The following PEG3 variants were observed in gnomAD, a reference collection of about 807,000 sequenced individuals.
PEG3 encodes the protein paternally-expressed gene 3 protein.
In PEG3, 23 loss-of-function variants were observed where a neutral mutation model predicts 35.5. The observed-to-expected ratio is 0.65, with a 90% CI of 0.47 to 0.92. The LOEUF is 0.92. Ranked by LOEUF, PEG3 falls within the 40% of genes least tolerant of loss-of-function variation. The probability of loss-of-function intolerance (pLI) is 0.00; values close to 1 mark genes in which losing one functional copy is unlikely to be tolerated. For synonymous variants in PEG3, 707 were observed against 697.0 expected (o/e 1.01, Z -0.23); for missense variants, 1,960 against 1,985.3 (o/e 0.99, Z 0.24).
At chr19:56,832,415 AT>A (rs2061663189) in intron 2 of PEG3, among the ~76,000 whole-genome samples, 1 of 151,984 alleles carries the variant, frequency 6.6e-6, no homozygotes, top group Admixed American at 6.6e-5. Context: ...CCACACCCAA[AT>A]CCTCACTTCA....
Position 56,817,192 on chromosome 19 carries a change from T to A in PEG3, c.1250A>T (p.Glu417Val). The change falls in exon 10 of 10, where the codon GAA (glutamate) becomes GTA (valine). Residue 417 changes from glutamate to valine, a missense_variant. Coordinates refer to ENST00000326441, the MANE Select transcript of PEG3 (RefSeq NM_006210.3). ...QKGCPRKKPFECGSEMRKAMS... is the reference protein window; with the variant it reads ...QKGCPRKKPFVCGSEMRKAMS... ...GGCTTTTCTCATCTCACTACCACAT[T>A]CAAAGGGCTTCTTCCTGGGACAGCC... 6.2e-7 allele frequency: 1 copy of A among 1,614,214 alleles called. No individual in the cohort carries two copies. The highest frequency in any genetic ancestry group is 1.1e-5 in the South Asian group (1 of 91,080).
intron 7 of PEG3, among the ~76,000 whole-genome samples, chr19:56,820,625 A>C (rs1452857115): frequency 1.3e-5 from 2 of 152,086 alleles, no homozygotes; most frequent in Non-Finnish European, 2.9e-5. Context: ...CCTGGCTCTA[A>C]ATGGCAACTG....
chr19:56,833,344 ACT>A (rs1421307113), intron 2 of PEG3: 1 of 369,688 alleles, frequency 2.7e-6, no homozygotes, highest in Non-Finnish European at 5.3e-6. Context: ...CGAGGAGGTT[ACT>A]CTCTTCGTCT....
At chr19:56,827,761 A>G (rs1347793019) in intron 2 of PEG3, among the ~76,000 whole-genome samples, 1 of 152,206 alleles carries the variant, frequency 6.6e-6, no homozygotes, top group African/African-American at 2.4e-5. Flanking sequence ...AAATAAGGCA[A>G]CTCTAAATAA....
chr19:56,833,202 G>C (rs977431583), intron 2 of PEG3: 1 of 514,528 alleles, frequency 1.9e-6, no homozygotes, highest in Non-Finnish European at 3.9e-6. Flanking sequence ...AAAATCCACC[G>C]AGTCTCCTTC....
At position 56,813,802 on chromosome 19, in the gene PEG3, TCGATGTAG is replaced by T. The variant is rs751532593; in HGVS notation, c.4632_4639del (p.Tyr1545ThrfsTer13). The T allele has an allele frequency of 6.2e-7, 1 of 1,614,180 alleles. No homozygotes were observed. The highest frequency in any genetic ancestry group is 8.5e-7 in the Non-Finnish European group (1 of 1,180,038). On this transcript the variant is annotated frameshift_variant, in exon 10 of 10. Transcript: ENST00000326441. LOFTEE classifies it low-confidence loss of function (END_TRUNC). ...ACCACCTGTGCTGGTGCTGGCACGT[TCGATGTAG>T]CCTGAGCACTCCCCAAAGGCATTTG...
At chr19:56,821,827 A>T in intron 6 of PEG3, 73 bp from the exon 7 acceptor site, 5 of 1,522,404 alleles carry the variant, frequency 3.3e-6, no homozygotes, top group Non-Finnish European at 4.5e-6. Flanking sequence ...GTCCCACTCA[A>T]CTATGAAGCC....
intron 4 of PEG3, 104 bp from the exon 5 acceptor site, chr19:56,823,783 G>A (rs2060741195): frequency 7.6e-7 from 1 of 1,312,266 alleles, no homozygotes; most frequent in East Asian, 2.3e-5. Context: ...ACACATGGTT[G>A]GAATGACCTG....
Position 56,810,440 on chromosome 19 carries a change from A to G in PEG3, c.*3235T>C. ...CTTCCCATCTTTGACATTTATGCAT[A>G]CTTATCACTAACACCCTAATAATCA... On this transcript the variant is annotated 3_prime_UTR_variant, in exon 10 of 10. Coordinates refer to ENST00000326441, the MANE Select transcript of PEG3 (RefSeq NM_006210.3). 1.0e-6 allele frequency: 1 copy of G among 983,796 alleles called. No individual in the cohort carries two copies. Among genetic ancestry groups the G allele is most frequent in the Non-Finnish European group, 1.2e-6 (1 of 828,420 alleles). The allele number at this position is 983,796 out of a possible 1,614,324, so 60.9% of individuals were successfully genotyped here. A position where few individuals can be genotyped will look rare whatever the true frequency, so the allele number is the denominator to read the frequency against.
At chr19:56,834,045 A>G (rs927859805) in intron 2 of PEG3, among the ~76,000 whole-genome samples, 2 of 152,376 alleles carry the variant, frequency 1.3e-5, no homozygotes, top group Admixed American at 1.3e-4. Flanking sequence ...GTTCAGTCTT[A>G]TGACCAGCAC....
Position 56,815,440 on chromosome 19 carries a change from T to G in PEG3, c.3002A>C (p.Asn1001Thr), listed in dbSNP as rs201590453. 6.2e-7 allele frequency: 1 copy of G among 1,614,128 alleles called. No homozygotes were observed. Among genetic ancestry groups the G allele is most frequent in the Admixed American group, 1.7e-5 (1 of 60,018 alleles). Residue 1001 changes from asparagine to threonine, a missense_variant, in exon 10 of 10, where the codon AAC becomes ACC. Physicochemically the swap from Asn to Thr is moderately conservative, Grantham distance 65 (BLOSUM62 0). Transcript: ENST00000326441. ...GCTGCGAATGACAGACCATTCATAGTTTCTGCTTCCAGAGGGCTTCTCCCT... is the reference window on the plus strand; with the variant it reads ...GCTGCGAATGACAGACCATTCATAGGTTCTGCTTCCAGAGGGCTTCTCCCT... ...HDREKPSGSR[N>T]YEWSVIRSLA...
Position 56,815,493 on chromosome 19 carries a change from G to C in PEG3, c.2949C>G (p.Asp983Glu), listed in dbSNP as rs371604666. ...ECGECFAHSS[D>E]LTEHQKIHDR... ...CATGAATCTTCTGGTGCTCAGTGAG[G>C]TCAGAGCTATGAGCAAAGCACTCCC... The change falls in exon 10 of 10, where the codon GAC becomes GAG. Residue 983 changes from aspartate to glutamate, a missense_variant. Asp to Glu is a conservative substitution (Grantham distance 45). Coordinates refer to ENST00000326441, the MANE Select transcript of PEG3 (RefSeq NM_006210.3). The C allele has an allele frequency of 9.9e-6, 16 of 1,613,928 alleles. No homozygotes were observed. The highest frequency in any genetic ancestry group is 1.3e-5 in the African/African-American group (1 of 74,906).
At position 56,836,013 on chromosome 19, in the gene PEG3, C is replaced by T. The variant is rs1397142484; in HGVS notation, c.-163+5G>A. ...GTGGCACTGTGAGGAGGAAATTCAA[C>T]TCACCTGGACCCAGCCACCTAGCGT... On this transcript the variant is annotated splice_donor_5th_base_variant and intron_variant, in intron 2 of 9. Coordinates refer to ENST00000326441, the MANE Select transcript of PEG3 (RefSeq NM_006210.3). 3.9e-6 allele frequency: 2 copies of T among 511,646 alleles called. No individual in the cohort carries two copies. The highest frequency in any genetic ancestry group is 2.9e-5 in the South Asian group (2 of 69,444). 31.7% of individuals were successfully genotyped at this position (511,646 alleles called of 1,614,324 possible).
chr19:56,839,469 G>A (rs1450444041), intron 1 of PEG3, among the ~76,000 whole-genome samples: 1 of 150,828 alleles, frequency 6.6e-6, no homozygotes, highest in African/African-American at 2.5e-5. Context: ...AGTCACTTCA[G>A]CCTTGCCCCG....
chr19:56,815,948 T>G lies in PEG3; in HGVS notation c.2494A>C (p.Arg832=). 6.3e-7 allele frequency: 1 copy of G among 1,597,180 alleles called. No individual in the cohort carries two copies. The highest frequency in any genetic ancestry group is 8.5e-7 in the Non-Finnish European group (1 of 1,171,986). Reference sequence around the variant, plus strand: ...GCCACTAAGCTATGGATAACAGACCTACTGTATTCCCTTCCTTCAGAGGTG... The same window carrying G: ...GCCACTAAGCTATGGATAACAGACCGACTGTATTCCCTTCCTTCAGAGGTG... The part of the protein sequence containing the change: ...GNTSEGREYS[R]SVIHSLVASK... The change falls in exon 10 of 10, where the codon AGG becomes CGG. Residue 832 remains arginine (R), a synonymous_variant. Coordinates refer to ENST00000326441, the MANE Select transcript of PEG3 (RefSeq NM_006210.3).
chr19:56,815,219 TGTGGGTCTCCTCCCC>T lies in PEG3; in HGVS notation c.3208_3222del (p.Gly1070_His1074del). ...GTCTCCTGACCATGGGTCTCCTCGCTGTGGGTCTCCTCCCCATCAGTATTCTCGCCTTGAGACTCC... is the reference window on the plus strand; with the variant it reads ...GTCTCCTGACCATGGGTCTCCTCGCTATCAGTATTCTCGCCTTGAGACTCC... On this transcript the variant is annotated inframe_deletion, in exon 10 of 10. Transcript: ENST00000326441. The T allele has an allele frequency of 6.2e-7, 1 of 1,613,968 alleles. No homozygotes were observed. Among genetic ancestry groups the T allele is most frequent in the Non-Finnish European group, 8.5e-7 (1 of 1,179,848 alleles).
rs2059682467 is a variant in PEG3 at position 56,813,474 on chromosome 19, G to A, written c.*201C>T. 2 of 1,395,046 alleles carry A rather than the reference G, an allele frequency of 1.4e-6. No homozygotes were observed. Among genetic ancestry groups the A allele is most frequent in the Admixed American group, 3.0e-5 (1 of 33,012 alleles). The allele number at this position is 1,395,046 out of a possible 1,614,324, so 86.4% of individuals were successfully genotyped here. ...TATGGCTTTCCCACATGCAGACACTGACATCTGAAGGGGAAAGCTTAAGAC... is the reference window on the plus strand; with the variant it reads ...TATGGCTTTCCCACATGCAGACACTAACATCTGAAGGGGAAAGCTTAAGAC... On this transcript the variant is annotated 3_prime_UTR_variant, in exon 10 of 10. Coordinates refer to ENST00000326441, the MANE Select transcript of PEG3 (RefSeq NM_006210.3).
chr19:56,838,793 G>T (rs1013342308), intron 1 of PEG3, among the ~76,000 whole-genome samples: 45 of 152,334 alleles, frequency 3.0e-4, no homozygotes, highest in Middle Eastern at 3.4e-3. Context: ...CAAGGAGCGC[G>T]GCACTCCACA....
chr19:56,831,611 G>A (rs1213188131), intron 2 of PEG3, among the ~76,000 whole-genome samples: 1 of 152,218 alleles, frequency 6.6e-6, no homozygotes, highest in Admixed American at 6.5e-5. Flanking sequence ...CCAAAAATCA[G>A]CATCTCTCCT....
Sources: gnomAD v4.1 joint callset for allele counts (sites outside exome capture counted in the v4.1 genomes callset) on GRCh38, gnomAD v4.1.1 for gene constraint, MANE v1.5 for transcripts, NCBI Gene and HGNC (gene_info 2026-07-23, HGNC 2026-07-21) for gene names.